The following TPR variants were observed in gnomAD, a reference collection of about 807,000 sequenced individuals.
The protein encoded by TPR is nucleoprotein TPR.
Under a neutral mutation model 316.1 loss-of-function variants are expected in TPR, and 51 were observed. The observed-to-expected ratio is 0.16, with a 90% CI of 0.13 to 0.20. TPR has a LOEUF of 0.20. Ranked by LOEUF, TPR falls within the 10% of genes least tolerant of loss-of-function variation. TPR has a pLI of 1.00. For missense variants in TPR, 2,272 were observed against 2,754.8 expected, an observed-to-expected ratio of 0.82 and a Z score of 3.92; for synonymous variants, 981 against 914.7, an observed-to-expected ratio of 1.07 and a Z score of -1.31.
In TPR at chr1:186,351,516, T is replaced by A. The variant is rs773146534; in HGVS notation, c.2470-46A>T. 19 of 1,491,778 alleles carry A rather than the reference T, an allele frequency of 1.3e-5. No individual in the cohort carries two copies. The East Asian group carries it at 4.6e-4, about 36-fold the overall frequency. 92.4% of individuals were successfully genotyped at this position (1,491,778 alleles called of 1,614,324 possible). ...TTGGTTATGCTTAAGAAAAAGGCAA[T>A]ACAAAAAAATAAAAATTGAAGGCAA... On this transcript the variant is annotated intron_variant, in intron 19 of 50. Transcript: ENST00000367478.
chr1:186,360,102 T>A, intron 11 of TPR, 106 bp from the exon 12 acceptor site: 1 of 1,347,694 alleles, frequency 7.4e-7, no homozygotes, highest in East Asian at 2.4e-5. Context: ...AAAATGGCAA[T>A]GTTTACTATG....
chr1:186,330,825 A>T (rs1658139825), intron 39 of TPR, among the ~76,000 whole-genome samples: 1 of 152,122 alleles, frequency 6.6e-6, no homozygotes, highest in Non-Finnish European at 1.5e-5. Context: ...ATTTTGTGGG[A>T]CAGAAGGAAG....
chr1:186,373,494 AAATC>A (rs781011023), intron 1 of TPR, 31 bp from the exon 2 acceptor site: 2 of 1,407,964 alleles, frequency 1.4e-6, no homozygotes, highest in Non-Finnish European at 2.0e-6. Flanking sequence ...ACAAAAAACA[AAATC>A]AAACACATGT....
intron 43 of TPR, among the ~76,000 whole-genome samples, chr1:186,322,935 A>T (rs924811881): frequency 3.9e-5 from 6 of 152,186 alleles, no homozygotes; most frequent in African/African-American, 1.4e-4. Flanking sequence ...AAACAGCAGT[A>T]TTGTTTTTTA....
At chr1:186,338,596 T>C (rs1180953352) in intron 30 of TPR, among the ~76,000 whole-genome samples, 2 of 152,342 alleles carry the variant, frequency 1.3e-5, no homozygotes, top group East Asian at 3.9e-4. Flanking sequence ...TGTCAAATTT[T>C]TTCTGTAAAA....
chr1:186,314,138 T>G, intron 50 of TPR, 112 bp from the exon 51 acceptor site: 2 of 965,688 alleles, frequency 2.1e-6, no homozygotes, highest in South Asian at 3.3e-5. Flanking sequence ...GATATAAAAC[T>G]GTTGGGTATT....
At position 186,334,870 on chromosome 1, in the gene TPR, A is replaced by G. The variant is rs958179561; in HGVS notation, c.4973+198T>C. 3.3e-5 allele frequency among the ~76,000 whole-genome samples: 5 copies of G among 152,154 alleles called. 1 individual carries two copies. Among genetic ancestry groups the G allele is most frequent in the African/African-American group, 1.2e-4 (5 of 41,444 alleles). ...GATGAGAGACGTTTTCTCTGTCACA[A>G]AGCTTCATCTGATAGGACTGAAAGT... On this transcript the variant is annotated intron_variant, in intron 35 of 50. Transcript: ENST00000367478.
chr1:186,350,816 G>A (rs552836013), intron 20 of TPR, among the ~76,000 whole-genome samples: 15 of 152,256 alleles, frequency 9.9e-5, no homozygotes, highest in Non-Finnish European at 1.9e-4. Context: ...TCAGAGTAGC[G>A]ATCGCTGCAA....
chr1:186,363,984 T>G (rs1659264422), intron 4 of TPR, among the ~76,000 whole-genome samples: 1 of 152,180 alleles, frequency 6.6e-6, no homozygotes, highest in African/African-American at 2.4e-5. Flanking sequence ...ACTACTGCAG[T>G]AAGCTCAAGT....
At chr1:186,367,829 C>T in intron 4 of TPR, 57 bp downstream of exon 4, 3 of 1,282,700 alleles carry the variant, frequency 2.3e-6, no homozygotes, top group Non-Finnish European at 3.3e-6. Context: ...TAACTCCTAG[C>T]ACTAACAGAA....
intron 27 of TPR, chr1:186,343,014 C>T (rs1658555466): frequency 9.3e-6 from 2 of 215,926 alleles, no homozygotes; most frequent in Non-Finnish European, 1.8e-5. Flanking sequence ...GCTTCATGTG[C>T]ACAAACTCAA....
intron 36 of TPR, among the ~76,000 whole-genome samples, chr1:186,333,994 A>G (rs1490683687): frequency 1.3e-5 from 2 of 152,204 alleles, no homozygotes; most frequent in African/African-American, 2.4e-5. Flanking sequence ...ACCACAGAAT[A>G]AAATACAAAG....
intron 4 of TPR, among the ~76,000 whole-genome samples, chr1:186,364,584 A>T (rs1322450747): frequency 6.6e-6 from 1 of 152,186 alleles, no homozygotes; most frequent in Admixed American, 6.5e-5. Flanking sequence ...TGACAACTAA[A>T]AGCAAAAGGA....
Position 186,341,266 on chromosome 1 carries a change from G to T in TPR, c.3874C>A (p.Gln1292Lys). ...AAGCAACAAACCTTTGCTTGCATTT[G>T]CTGTAGATCCTGTTCTAGTCTCTCC... ...EKERLEQDLQ[Q>K]MQAKVRKLEL... Residue 1292 changes from glutamine (Q) to lysine (K), a missense_variant, in exon 28 of 51, where the codon CAA becomes AAA. Transcript: ENST00000367478. 1 of 1,613,820 alleles carries T rather than the reference G, an allele frequency of 6.2e-7. No individual in the cohort carries two copies. Among genetic ancestry groups the T allele is most frequent in the South Asian group, 1.1e-5 (1 of 91,002 alleles).
chr1:186,353,143 C>T lies in TPR; in HGVS notation c.2334+545G>A, dbSNP rs185898850. Among the ~76,000 whole-genome samples, 21 of 152,226 alleles carry T rather than the reference C, an allele frequency of 1.4e-4. No individual in the cohort carries two copies. In the East Asian group the frequency reaches 2.7e-3, roughly 20 times the overall value. ...ATCCCAGCACTTTGGGAGGCTAAGGCGGGCAAATCACGAGGTCAGTAGATC... is the reference window on the plus strand; with the variant it reads ...ATCCCAGCACTTTGGGAGGCTAAGGTGGGCAAATCACGAGGTCAGTAGATC... On this transcript the variant is annotated intron_variant, in intron 18 of 50. Transcript: ENST00000367478.
intron 25 of TPR, 22 bp from the exon 26 acceptor site, chr1:186,344,112 G>C: frequency 1.3e-6 from 2 of 1,597,262 alleles, no homozygotes; most frequent in South Asian, 1.1e-5. Context: ...GAGTCTATCA[G>C]AATAACAGAT....
At chr1:186,333,522 G>A in intron 36 of TPR, 128 bp from the exon 37 acceptor site, 1 of 1,111,850 alleles carries the variant, frequency 9.0e-7, no homozygotes, top group Non-Finnish European at 1.3e-6. Flanking sequence ...TACATTGTAG[G>A]TAAAGGTAAT....
intron 49 of TPR, 140 bp downstream of exon 49, chr1:186,317,342 T>C (rs1657639936): frequency 2.9e-6 from 2 of 686,458 alleles, no homozygotes; most frequent in East Asian, 2.8e-5. Flanking sequence ...AAGTTCCTTT[T>C]AATAATAAAA....
rs575206296 is a variant in TPR, at chr1:186,367,222, T to C, written c.427+664A>G. Among the ~76,000 whole-genome samples, 6 of 152,182 alleles carry C rather than the reference T, an allele frequency of 3.9e-5. No individual in the cohort carries two copies. The South Asian group carries it at 6.2e-4, about 16-fold the overall frequency. Reference sequence around the variant, plus strand: ...CTGGGATTACAGGTGCGTGCCACCATGACTGGCTAATTTCTGTTATTTTTA... The same window carrying C: ...CTGGGATTACAGGTGCGTGCCACCACGACTGGCTAATTTCTGTTATTTTTA... On this transcript the variant is annotated intron_variant, in intron 4 of 50. Transcript: ENST00000367478.
Sources: allele counts gnomAD v4.1 joint callset (sites outside exome capture counted in the v4.1 genomes callset), GRCh38; gene constraint gnomAD v4.1.1; transcripts MANE v1.5; gene names NCBI Gene and HGNC (gene_info 2026-07-23, HGNC 2026-07-21).